Variants in RPAP2 observed in about 807,000 individuals in gnomAD.
RPAP2 encodes the protein putative RNA polymerase II subunit B1 CTD phosphatase RPAP2.
In RPAP2, 52 loss-of-function variants were observed where a neutral mutation model predicts 73.1. That is an observed-to-expected ratio of 0.71 (90% CI 0.57 to 0.90). The LOEUF (loss-of-function observed/expected upper bound fraction) is 0.90. Among genes scored for constraint, RPAP2 ranks in the 40% least tolerant of loss-of-function variants. RPAP2 has a pLI of 0.00. For synonymous variants in RPAP2, 225 were observed against 242.1 expected, an observed-to-expected ratio of 0.93 and a Z score of 0.65; for missense variants, 598 against 701.8, an observed-to-expected ratio of 0.85 and a Z score of 1.67.
chr1:92,382,744 C>T (rs1455973325), intron 12 of RPAP2, among the ~76,000 whole-genome samples: 1 of 152,112 alleles, frequency 6.6e-6, no homozygotes, highest in Non-Finnish European at 1.5e-5. Flanking sequence ...ATGGTAGTTT[C>T]TTTGCTGTGC....
chr1:92,395,605 G>C lies in RPAP2; in HGVS notation c.*8594G>C, dbSNP rs1586452. On this transcript the variant is annotated 3_prime_UTR_variant, in exon 13 of 13. Coordinates refer to ENST00000610020, the MANE Select transcript of RPAP2 (RefSeq NM_024813.3). ...GAGCCAAGATCACACCACCGCACTA[G>C]AGCCTGGGTGACAGAGTGAGACCCT... The C allele has an allele frequency of 4.4e-5, 6 of 135,502 alleles. No homozygotes were observed. Among genetic ancestry groups the C allele is most frequent in the South Asian group, 4.7e-4 (2 of 4,250 alleles). The allele number at this position is 135,502 out of a possible 1,614,324, so 8.4% of individuals were successfully genotyped here. A position where few individuals can be genotyped will look rare whatever the true frequency, so the allele number is the denominator to read the frequency against.
chr1:92,302,590 A>T (rs1379451105), intron 3 of RPAP2, among the ~76,000 whole-genome samples: 31 of 74,334 alleles, frequency 4.2e-4, no homozygotes, highest in South Asian at 6.4e-4. Context: ...TCCGCATTAA[A>T]TTTTTTTTTT....
chr1:92,329,447 G>A (rs769391854), intron 8 of RPAP2, among the ~76,000 whole-genome samples: 2 of 152,256 alleles, frequency 1.3e-5, no homozygotes, highest in South Asian at 2.1e-4. Flanking sequence ...CACTCCCACC[G>A]TGCCCCCACA....
At position 92,397,393 on chromosome 1, in the gene RPAP2, A is replaced by C. The variant is rs1000486382; in HGVS notation, c.*10382A>C. 4 of 152,064 alleles carry C rather than the reference A, an allele frequency of 2.6e-5. No individual in the cohort carries two copies. The highest frequency in any genetic ancestry group is 9.7e-5 in the African/African-American group (4 of 41,368). The allele number at this position is 152,064 out of a possible 1,614,324, so 9.4% of individuals were successfully genotyped here. A position where few individuals can be genotyped will look rare whatever the true frequency, so the allele number is the denominator to read the frequency against. On this transcript the variant is annotated 3_prime_UTR_variant, in exon 13 of 13. Transcript: ENST00000610020. ...TGACAGAGCAAGACACTGTCTCAAAAATTAAAAATTAAAAAATGAGGGAAG... is the reference window on the plus strand; with the variant it reads ...TGACAGAGCAAGACACTGTCTCAAACATTAAAAATTAAAAAATGAGGGAAG...
chr1:92,373,876 G>A (rs996713356), intron 11 of RPAP2, among the ~76,000 whole-genome samples: 11 of 150,074 alleles, frequency 7.3e-5, no homozygotes, highest in East Asian at 4.0e-4. Context: ...CAGAGATAGC[G>A]CCATTGTACT....
rs150946504 is a variant in RPAP2, at chr1:92,351,391, T to C, written c.1688+5477T>C. 4.5e-4 allele frequency among the ~76,000 whole-genome samples: 69 copies of C among 152,138 alleles called. No individual in the cohort carries two copies. In the East Asian group the frequency reaches 0.012, roughly 26 times the overall value. On this transcript the variant is annotated intron_variant, in intron 11 of 12. Coordinates refer to ENST00000610020, the MANE Select transcript of RPAP2 (RefSeq NM_024813.3). Reference sequence around the variant, plus strand: ...TGATGTGGTATCAAAGTATATCATATTTGTTTTTATATTCCTCATAATTCC... The same window carrying C: ...TGATGTGGTATCAAAGTATATCATACTTGTTTTTATATTCCTCATAATTCC...
intron 10 of RPAP2, among the ~76,000 whole-genome samples, chr1:92,341,404 G>A (rs1057322564): frequency 2.0e-5 from 3 of 152,138 alleles, no homozygotes; most frequent in African/African-American, 7.2e-5. Context: ...TTTAGCATCT[G>A]TGCTGGAAAT....
intron 11 of RPAP2, among the ~76,000 whole-genome samples, chr1:92,373,522 A>G (rs1012366856): frequency 6.6e-6 from 1 of 152,026 alleles, no homozygotes; most frequent in Non-Finnish European, 1.5e-5. Context: ...TAGATTTCTC[A>G]TCTCCTGTTG....
Position 92,323,456 on chromosome 1 carries a change from GAGA to G in RPAP2, c.542_544del (p.Glu181del). 4 of 1,579,770 alleles carry G rather than the reference GAGA, an allele frequency of 2.5e-6. No homozygotes were observed. Among genetic ancestry groups the G allele is most frequent in the Non-Finnish European group, 3.4e-6 (4 of 1,162,458 alleles). On this transcript the variant is annotated inframe_deletion, in exon 8 of 13. Coordinates refer to ENST00000610020, the MANE Select transcript of RPAP2 (RefSeq NM_024813.3). ...CTTTCATTCTACAGTGGCCATTCTG[GAGA>G]AGAAGTACAGTTATGCAGTAAAGCC...
chr1:92,363,756 TC>T (rs1389044238), intron 11 of RPAP2: 2 of 353,560 alleles, frequency 5.7e-6, no homozygotes, highest in East Asian at 8.3e-5. Context: ...ATGATCTACT[TC>T]CACTTAATGA....
In RPAP2 at chr1:92,348,775, C is replaced by T. The variant is rs902456926; in HGVS notation, c.1688+2861C>T. On this transcript the variant is annotated intron_variant, in intron 11 of 12. Transcript: ENST00000610020. ...ATACATATTCATCATGTTAAAACTC[C>T]ATTGACTTCTATAAAGTATAATTAT... is the stretch of plus-strand genomic sequence containing the variant. Among the ~76,000 whole-genome samples, 7 of 152,208 alleles carry T rather than the reference C, an allele frequency of 4.6e-5. 1 individual carries two copies. In the South Asian group the frequency reaches 1.5e-3, roughly 32 times the overall value.
At position 92,390,548 on chromosome 1, in the gene RPAP2, T is replaced by A. The variant is rs899372025; in HGVS notation, c.*3537T>A. On this transcript the variant is annotated 3_prime_UTR_variant, in exon 13 of 13. Transcript: ENST00000610020. ...GGATCAAATTCCCACATAACAATATTAACCTTAAATGTAAATGGGATAAAT... is the reference window on the plus strand; with the variant it reads ...GGATCAAATTCCCACATAACAATATAAACCTTAAATGTAAATGGGATAAAT... 2 of 152,210 alleles carry A rather than the reference T, an allele frequency of 1.3e-5. No individual in the cohort carries two copies. The highest frequency in any genetic ancestry group is 4.8e-5 in the African/African-American group (2 of 41,534). 9.4% of individuals were successfully genotyped at this position (152,210 alleles called of 1,614,324 possible).
chr1:92,367,342 C>A (rs182421465), intron 11 of RPAP2, among the ~76,000 whole-genome samples: 1 of 152,188 alleles, frequency 6.6e-6, no homozygotes, highest in Non-Finnish European at 1.5e-5. Flanking sequence ...CTATCCCAGA[C>A]GGCTTTTGCG....
chr1:92,375,579 T>C (rs973592951), intron 11 of RPAP2, among the ~76,000 whole-genome samples: 2 of 152,106 alleles, frequency 1.3e-5, no homozygotes, highest in African/African-American at 4.8e-5. Context: ...GCCTGTAATC[T>C]CAGCACTTTG....
rs1656287484 is a variant in RPAP2 at position 92,400,478 on chromosome 1, C to A, written c.*13467C>A. The A allele has an allele frequency of 6.6e-6, 1 of 152,118 alleles. No individual in the cohort carries two copies. Among genetic ancestry groups the A allele is most frequent in the African/African-American group, 2.4e-5 (1 of 41,394 alleles). The allele number at this position is 152,118 out of a possible 1,614,324, so 9.4% of individuals were successfully genotyped here. A position where few individuals can be genotyped will look rare whatever the true frequency, so the allele number is the denominator to read the frequency against. On this transcript the variant is annotated 3_prime_UTR_variant, in exon 13 of 13. Transcript: ENST00000610020. ...GGGACTATAGGCACGTACCACCATACCCAGCTAATATTTTTTTTAATTTTA... is the reference window on the plus strand; with the variant it reads ...GGGACTATAGGCACGTACCACCATAACCAGCTAATATTTTTTTTAATTTTA...
At chr1:92,314,750 TAA>T (rs1273842229) in intron 6 of RPAP2, among the ~76,000 whole-genome samples, 1 of 107,518 alleles carries the variant, frequency 9.3e-6, no homozygotes, top group African/African-American at 3.7e-5. Context: ...CTCAATAAAT[TAA>T]AAAAAAAAAA....
intron 11 of RPAP2, among the ~76,000 whole-genome samples, chr1:92,355,684 A>C (rs1654428450): frequency 6.6e-6 from 1 of 152,200 alleles, no homozygotes; most frequent in Non-Finnish European, 1.5e-5. Context: ...GACATTATAC[A>C]GGTTAAGTAT....
intron 11 of RPAP2, among the ~76,000 whole-genome samples, chr1:92,374,437 T>C (rs994889163): frequency 3.3e-5 from 5 of 152,164 alleles, no homozygotes; most frequent in Non-Finnish European, 7.3e-5. Context: ...GTTTACAAAG[T>C]CCTCTTCCAT....
At chr1:92,360,959 G>C (rs919094243) in intron 11 of RPAP2, among the ~76,000 whole-genome samples, 1 of 151,710 alleles carries the variant, frequency 6.6e-6, no homozygotes, top group Non-Finnish European at 1.5e-5. Flanking sequence ...GTTTAATTAT[G>C]GTGACTAACC....
Sources: allele counts gnomAD v4.1 joint callset (sites outside exome capture counted in the v4.1 genomes callset), GRCh38; gene constraint gnomAD v4.1.1; transcripts MANE v1.5; gene names NCBI Gene and HGNC (gene_info 2026-07-23, HGNC 2026-07-21).